CC2D2B: variants seen among roughly 807,000 people sequenced by gnomAD.
CC2D2B encodes coiled-coil and C2 domain containing 2B.
A neutral mutation model predicts 161.2 loss-of-function variants in CC2D2B; 128 were observed. The ratio of observed to expected loss-of-function variants is 0.79; its 90% CI spans 0.69 to 0.92. CC2D2B has a LOEUF of 0.92. Ranked by LOEUF, CC2D2B falls within the 40% of genes least tolerant of loss-of-function variation. The pLI is 0.00. For missense variants in CC2D2B, 1,173 were observed against 1,375.1 expected (o/e 0.85, Z 2.32); for synonymous variants, 391 against 449.8 (o/e 0.87, Z 1.65).
At chr10:95,962,390 A>G (rs1318751113) in intron 12 of CC2D2B, among the ~76,000 whole-genome samples, 1 of 152,180 alleles carries the variant, frequency 6.6e-6, no homozygotes, top group Non-Finnish European at 1.5e-5. Flanking sequence ...AAGAAAAGAC[A>G]AGACATTAAC....
At chr10:95,932,164 G>T (rs1299324888) in intron 6 of CC2D2B, among the ~76,000 whole-genome samples, 3 of 152,018 alleles carry the variant, frequency 2.0e-5, no homozygotes, top group Non-Finnish European at 2.9e-5. Context: ...CATCTTTGTT[G>T]GTTTAAAGTA....
intron 7 of CC2D2B, 49 bp downstream of exon 7, chr10:95,938,238 A>G (rs2075895787): frequency 8.6e-7 from 1 of 1,160,838 alleles, no homozygotes; most frequent in Non-Finnish European, 1.3e-6. Flanking sequence ...GAATTATGTT[A>G]TGGGATAATA....
chr10:96,024,797 A>T, intron 32 of CC2D2B, 56 bp from the exon 33 acceptor site: 1 of 1,014,882 alleles, frequency 9.9e-7, no homozygotes, highest in Non-Finnish European at 1.5e-6. Context: ...TCCAGGAGTG[A>T]CTGTGATGTA....
intron 11 of CC2D2B, among the ~76,000 whole-genome samples, chr10:95,960,454 T>C (rs1407128608): frequency 6.6e-6 from 1 of 152,150 alleles, no homozygotes; most frequent in African/African-American, 2.4e-5. Context: ...TTAATTTTGT[T>C]GTGGGGGTTT....
chr10:96,016,790 G>A (rs565765556), intron 30 of CC2D2B, among the ~76,000 whole-genome samples: 11 of 152,206 alleles, frequency 7.2e-5, no homozygotes, highest in Non-Finnish European at 7.4e-5. Context: ...GCGTGATCTC[G>A]CCTCACTACA....
chr10:95,977,575 T>A (rs1015991171), intron 17 of CC2D2B, among the ~76,000 whole-genome samples: 1 of 152,240 alleles, frequency 6.6e-6, no homozygotes, highest in Non-Finnish European at 1.5e-5. Flanking sequence ...TCATTCTCGA[T>A]TTACTTTTCA....
chr10:96,011,741 G>GCA (rs1429881823), intron 26 of CC2D2B, among the ~76,000 whole-genome samples: 1 of 127,108 alleles, frequency 7.9e-6, no homozygotes, highest in East Asian at 3.6e-4. Context: ...TTACACACAC[G>GCA]CACACACACA....
At chr10:95,925,268 T>G (rs563625380) in intron 5 of CC2D2B, among the ~76,000 whole-genome samples, 1 of 152,276 alleles carries the variant, frequency 6.6e-6, no homozygotes, top group South Asian at 2.1e-4. Context: ...AAACATTGAT[T>G]GACTAGAATG....
rs550435095 is a variant in CC2D2B at position 96,018,353 on chromosome 10, A to G, written c.3631-850A>G. ...CCTGCATACTTCCCTTTAGCTTCTAATTGCAAATCTTGTTCCCAAATTTAA... is the reference window on the plus strand; with the variant it reads ...CCTGCATACTTCCCTTTAGCTTCTAGTTGCAAATCTTGTTCCCAAATTTAA... On this transcript the variant is annotated intron_variant, in intron 30 of 34. Coordinates refer to ENST00000646931, the MANE Select transcript of CC2D2B (RefSeq NM_001349008.3). Among the ~76,000 whole-genome samples, 14 of 152,338 alleles carry G rather than the reference A, an allele frequency of 9.2e-5. 1 individual carries two copies. The South Asian group carries it at 2.9e-3, about 32-fold the overall frequency.
Position 96,019,187 on chromosome 10 carries a change from CT to C in CC2D2B, c.3631-10del, listed in dbSNP as rs1564676837. ...ATTTAAATCCACCAAAAATTACTTTCTTTTTTCTCATACAGGGGCATGTGGC... is the reference window on the plus strand; with the variant it reads ...ATTTAAATCCACCAAAAATTACTTTCTTTTTCTCATACAGGGGCATGTGGC... On this transcript the variant is annotated splice_polypyrimidine_tract_variant and intron_variant, in intron 30 of 34. Coordinates refer to ENST00000646931, the MANE Select transcript of CC2D2B (RefSeq NM_001349008.3). The C allele has an allele frequency of 1.3e-6, 2 of 1,555,548 alleles. No individual in the cohort carries two copies. Among genetic ancestry groups the C allele is most frequent in the East Asian group, 2.3e-5 (1 of 44,252 alleles).
At chr10:95,965,312 G>C (rs190344008) in intron 12 of CC2D2B, among the ~76,000 whole-genome samples, 3 of 152,016 alleles carry the variant, frequency 2.0e-5, no homozygotes, top group African/African-American at 7.2e-5. Context: ...CAGTCAATAC[G>C]TGTAAAGTAC....
rs1235792824 is a variant in CC2D2B at position 96,029,270 on chromosome 10, A to ATG, written c.4125+1882_4125+1883insGT. ...TATATATATATATATATATATATAT[A>ATG]TATATATATATATATGTATATATAT... is the stretch of plus-strand genomic sequence containing the variant. On this transcript the variant is annotated intron_variant, in intron 34 of 34. Coordinates refer to ENST00000646931, the MANE Select transcript of CC2D2B (RefSeq NM_001349008.3). Among the ~76,000 whole-genome samples, 111 of 65,396 alleles carry ATG rather than the reference A, an allele frequency of 1.7e-3. 1 individual carries two copies. Among genetic ancestry groups the ATG allele is most frequent in the South Asian group, 4.1e-3 (9 of 2,184 alleles). The allele number at this position is 65,396 out of a possible 152,430, so 42.9% of individuals were successfully genotyped here.
chr10:95,934,934 G>T (rs2075763827), intron 6 of CC2D2B, among the ~76,000 whole-genome samples: 1 of 152,122 alleles, frequency 6.6e-6, no homozygotes. Context: ...GCAGTGGCAT[G>T]ACCTCAGCTC....
At chr10:95,934,415 G>A (rs989785161) in intron 6 of CC2D2B, among the ~76,000 whole-genome samples, 2 of 149,684 alleles carry the variant, frequency 1.3e-5, no homozygotes, top group East Asian at 2.0e-4. Context: ...TCTTGTTGGC[G>A]TTCCAGGCAC....
chr10:96,019,371 C>T (rs773667481), intron 31 of CC2D2B, 34 bp downstream of exon 31: 10 of 1,581,774 alleles, frequency 6.3e-6, no homozygotes, highest in Admixed American at 3.6e-5. Flanking sequence ...CTTGAGTTAT[C>T]TCCTCTAGAG....
At chr10:95,986,446 T>G (rs946718706) in intron 19 of CC2D2B, among the ~76,000 whole-genome samples, 1 of 148,722 alleles carries the variant, frequency 6.7e-6, no homozygotes, top group African/African-American at 2.5e-5. Context: ...TGGAAAGAAA[T>G]AAAATTAGAT....
intron 3 of CC2D2B, 65 bp downstream of exon 3, chr10:95,922,141 A>G: frequency 1.1e-6 from 1 of 882,826 alleles, no homozygotes; most frequent in Non-Finnish European, 1.7e-6. Context: ...GTAAATGATT[A>G]ATCCTGTGCC....
intron 6 of CC2D2B, among the ~76,000 whole-genome samples, chr10:95,931,532 T>A (rs1564592163): frequency 6.6e-6 from 1 of 152,222 alleles, no homozygotes; most frequent in Non-Finnish European, 1.5e-5. Flanking sequence ...GCTATAAATT[T>A]CCCTCTAAAC....
chr10:96,013,801 G>A lies in CC2D2B; in HGVS notation c.3440G>A (p.Arg1147Gln), dbSNP rs748668339. 5.8e-5 allele frequency: 93 copies of A among 1,600,282 alleles called. No individual in the cohort carries two copies. The highest frequency in any genetic ancestry group is 1.2e-4 in the African/African-American group (9 of 74,242). ...ATATTATTCTAGGACCTCATTGCTC[G>A]ATTTGTATCTTTGATTCCTTTTGTG... ...NSNATFDLIA[R>Q]FVSLIPFVPN... Residue 1147 changes from arginine to glutamine, a missense_variant, in exon 29 of 35, where the codon CGA (arginine) becomes CAA (glutamine). Arg to Gln is a conservative substitution (Grantham distance 43). Around this residue, in one of 3 missense-constraint regions of CC2D2B, gnomAD observed 598 missense variants for 693.2 expected, o/e 0.86. Coordinates refer to ENST00000646931, the MANE Select transcript of CC2D2B (RefSeq NM_001349008.3).
Sources: allele counts gnomAD v4.1 joint callset (sites outside exome capture counted in the v4.1 genomes callset), GRCh38; gene constraint gnomAD v4.1.1; regional missense constraint gnomAD v4.1.1; transcripts MANE v1.5; gene names NCBI Gene and HGNC (gene_info 2026-07-23, HGNC 2026-07-21).